Variants in CCM2 observed in about 807,000 individuals in gnomAD.
CCM2 encodes CCM2 scaffold protein.
A neutral mutation model predicts 44.9 loss-of-function variants in CCM2; 25 were observed. The ratio of observed to expected loss-of-function variants is 0.56; its 90% CI spans 0.41 to 0.78. The LOEUF is 0.78. Among genes scored for constraint, CCM2 ranks in the 30% least tolerant of loss-of-function variants. CCM2 has a pLI of 0.00. For synonymous variants in CCM2, 219 were observed against 241.1 expected (o/e 0.91, Z 0.85); for missense variants, 481 against 580.6 (o/e 0.83, Z 1.76).
intron 1 of CCM2, among the ~76,000 whole-genome samples, chr7:45,011,579 TCTCA>T (rs2128714247): frequency 6.6e-6 from 1 of 151,762 alleles, no homozygotes; most frequent in South Asian, 2.1e-4. Flanking sequence ...TGAGATGGAG[TCTCA>T]CTCTGTTGCC....
intron 8 of CCM2, 22 bp from the exon 9 acceptor site, chr7:45,074,248 A>C: frequency 1.9e-6 from 3 of 1,613,204 alleles, no homozygotes; most frequent in South Asian, 1.1e-5. Flanking sequence ...CCAGCCCCCT[A>C]TCTGGCTCTG....
In CCM2 at chr7:45,076,223, G is replaced by A. The variant is rs753570795; in HGVS notation, c.*166G>A. ...GTCCTCTACTGTGAAGGAGCAGGGA[G>A]CTGCCGAGGGACACGAGCCTCAGTG... On this transcript the variant is annotated 3_prime_UTR_variant, in exon 10 of 10. Transcript: ENST00000258781. The A allele has an allele frequency of 4.3e-6, 4 of 932,244 alleles. No individual in the cohort carries two copies. The East Asian group carries it at 7.9e-5, about 18-fold the overall frequency. 57.7% of individuals were successfully genotyped at this position (932,244 alleles called of 1,614,324 possible).
chr7:45,015,216 T>C (rs556323676), intron 1 of CCM2, among the ~76,000 whole-genome samples: 2 of 152,308 alleles, frequency 1.3e-5, no homozygotes, highest in African/African-American at 4.8e-5. Context: ...TTCCAGTCCA[T>C]GACACAGAAT....
In CCM2 at chr7:45,069,907, A is replaced by G; in HGVS notation, c.691A>G (p.Arg231Gly). 6.2e-7 allele frequency: 1 copy of G among 1,614,218 alleles called. No individual in the cohort carries two copies. The highest frequency in any genetic ancestry group is 8.5e-7 in the Non-Finnish European group (1 of 1,180,034). Residue 231 changes from arginine (R) to glycine (G), a missense_variant, in exon 6 of 10, where the codon AGA (arginine) becomes GGA (glycine). Arg to Gly is a moderately radical substitution (Grantham distance 125). Transcript: ENST00000258781. ...GGAGTCCACCATCGACTTTCTGGAC[A>G]GAGCGATATTTGATGGGGCCTCTAC... Reference protein sequence around the residue: ...YTESTIDFLDRAIFDGASTPT... With the variant: ...YTESTIDFLDGAIFDGASTPT...
intron 1 of CCM2, among the ~76,000 whole-genome samples, chr7:45,037,167 CCCG>C (rs1797261726): frequency 6.6e-6 from 1 of 151,688 alleles, no homozygotes; most frequent in Middle Eastern, 3.2e-3. Context: ...ACCCCCACCC[CCCG>C]CCGCCATTGT....
intron 9 of CCM2, among the ~76,000 whole-genome samples, chr7:45,075,035 A>G (rs1238599897): frequency 2.0e-5 from 3 of 152,184 alleles, no homozygotes; most frequent in Non-Finnish European, 2.9e-5. Context: ...CTGCAAACCA[A>G]GGAAGGTGGG....
chr7:45,042,058 G>A (rs191656425), intron 2 of CCM2, among the ~76,000 whole-genome samples: 14 of 152,192 alleles, frequency 9.2e-5, no homozygotes, highest in Non-Finnish European at 1.9e-4. Context: ...GACGGATCAC[G>A]AGGTCAGGAG....
At chr7:45,050,709 T>C (rs1042359141) in intron 2 of CCM2, among the ~76,000 whole-genome samples, 5 of 152,238 alleles carry the variant, frequency 3.3e-5, no homozygotes, top group African/African-American at 9.6e-5. Flanking sequence ...TTGCTTCTTT[T>C]CTTATATCTT....
chr7:45,072,758 A>G lies in CCM2; in HGVS notation c.778A>G (p.Thr260Ala). 1 of 1,612,856 alleles carries G rather than the reference A, an allele frequency of 6.2e-7. No individual in the cohort carries two copies. Among genetic ancestry groups the G allele is most frequent in the Non-Finnish European group, 8.5e-7 (1 of 1,179,752 alleles). Residue 260 changes from threonine to alanine, a missense_variant, in exon 7 of 10, where the codon ACC becomes GCC. Thr to Ala is a moderately conservative substitution (Grantham distance 58). Coordinates refer to ENST00000258781, the MANE Select transcript of CCM2 (RefSeq NM_031443.4). ...DSSTKVDIKETYEVEASTFCF... is the reference protein window; with the variant it reads ...DSSTKVDIKEAYEVEASTFCF... ...TTCTACAAAAGTGGACATTAAGGAG[A>G]CCTACGAGGTGGAAGCCAGCACTTT...
intron 1 of CCM2, chr7:45,027,073 GCTGA>G (rs1796720615): frequency 6.3e-6 from 1 of 157,950 alleles, no homozygotes; most frequent in Non-Finnish European, 1.4e-5. Flanking sequence ...TCAAAGTGCT[GCTGA>G]CTCAAACTCA....
chr7:45,028,146 C>T (rs149142278), intron 1 of CCM2, among the ~76,000 whole-genome samples: 99 of 152,296 alleles, frequency 6.5e-4, no homozygotes, highest in African/African-American at 2.1e-3. Flanking sequence ...ACCCAAGAGC[C>T]TGGTTGAAAA....
At chr7:45,009,561 C>A (rs948261368) in intron 1 of CCM2, among the ~76,000 whole-genome samples, 1 of 151,924 alleles carries the variant, frequency 6.6e-6, no homozygotes, top group African/African-American at 2.4e-5. Context: ...TGTGCCATCA[C>A]GCCTGGCTAA....
chr7:45,066,074 A>C (rs1008054051), intron 4 of CCM2, among the ~76,000 whole-genome samples: 4 of 152,160 alleles, frequency 2.6e-5, no homozygotes, highest in Non-Finnish European at 5.9e-5. Context: ...ACACATTGCT[A>C]AAGGAAATGG....
At chr7:45,039,779 C>T (rs1456774225) in intron 2 of CCM2, among the ~76,000 whole-genome samples, 1 of 152,132 alleles carries the variant, frequency 6.6e-6, no homozygotes, top group Non-Finnish European at 1.5e-5. Context: ...GTAATCCCAG[C>T]ACTTTAGGAG....
At chr7:45,072,601 G>A (rs1799133276) in intron 6 of CCM2, 125 bp from the exon 7 acceptor site, 1 of 766,152 alleles carries the variant, frequency 1.3e-6, no homozygotes, top group Admixed American at 2.0e-5. Context: ...CTTGATGAAG[G>A]ACAGCAGGGT....
At chr7:45,050,824 A>G (rs992227057) in intron 2 of CCM2, among the ~76,000 whole-genome samples, 3 of 152,190 alleles carry the variant, frequency 2.0e-5, no homozygotes, top group Non-Finnish European at 2.9e-5. Flanking sequence ...ATTGTCTTCA[A>G]TTGGTTCTCT....
At chr7:45,061,731 C>T (rs765362194) in intron 2 of CCM2, among the ~76,000 whole-genome samples, 2 of 152,072 alleles carry the variant, frequency 1.3e-5, no homozygotes, top group Non-Finnish European at 2.9e-5. Flanking sequence ...GCAAACCTGC[C>T]GCCTTGGCCA....
chr7:45,061,456 C>CTT (rs57140747), intron 2 of CCM2, among the ~76,000 whole-genome samples: 141 of 122,278 alleles, frequency 1.2e-3, no homozygotes, highest in African/African-American at 3.7e-3. Flanking sequence ...TTCTTTCTTT[C>CTT]TTTTTTTTTT....
intron 1 of CCM2, among the ~76,000 whole-genome samples, chr7:45,030,399 C>G (rs1192032252): frequency 6.6e-6 from 1 of 152,194 alleles, no homozygotes; most frequent in Non-Finnish European, 1.5e-5. Flanking sequence ...TACTGGAATC[C>G]TGATTCTGTA....
Sources: allele counts gnomAD v4.1 joint callset (sites outside exome capture counted in the v4.1 genomes callset), GRCh38; gene constraint gnomAD v4.1.1; transcripts MANE v1.5; gene names NCBI Gene and HGNC (gene_info 2026-07-23, HGNC 2026-07-21).